Variants in SYNE2 observed in about 807,000 individuals in gnomAD.
The protein encoded by SYNE2 is spectrin repeat containing nuclear envelope protein 2, also known as nesprin-2.
In SYNE2, 431 loss-of-function variants were observed where a neutral mutation model predicts 856.3. The ratio of observed to expected loss-of-function variants is 0.50; its 90% CI spans 0.47 to 0.55. The LOEUF (loss-of-function observed/expected upper bound fraction) is 0.55. Among genes scored for constraint, SYNE2 ranks in the 20% least tolerant of loss-of-function variants. The pLI is 0.00. For missense variants in SYNE2, 8,129 were observed against 8,023.2 expected (o/e 1.01, Z -0.50); for synonymous variants, 2,923 against 2,872.3 (o/e 1.02, Z -0.56).
In SYNE2 at chr14:63,948,782, G is replaced by GTGTGTGTCTA. The variant is rs1454688156; in HGVS notation, c.409-1042_409-1041insGTGTGTCTAT. ...TATGTATATATATGTATGTGTGTGT[G>GTGTGTGTCTA]TATATATATATATATATATATATAT... is the stretch of plus-strand genomic sequence containing the variant. On this transcript the variant is annotated intron_variant, in intron 6 of 115. Transcript: ENST00000555002. 2.2e-3 allele frequency among the ~76,000 whole-genome samples: 98 copies of GTGTGTGTCTA among 43,896 alleles called. 3 individuals carry two copies. The highest frequency in any genetic ancestry group is 7.6e-3 in the African/African-American group (94 of 12,424). The allele number at this position is 43,896 out of a possible 152,430, so 28.8% of individuals were successfully genotyped here. A position where few individuals can be genotyped will look rare whatever the true frequency, so the allele number is the denominator to read the frequency against.
intron 85 of SYNE2, among the ~76,000 whole-genome samples, chr14:64,156,317 T>C (rs2153709141): frequency 6.6e-6 from 1 of 152,342 alleles, no homozygotes; most frequent in East Asian, 1.9e-4. Context: ...TGTTGACATG[T>C]ATATATGGGC....
rs781158921 is a variant in SYNE2, at chr14:63,988,358, G to A, written c.2313+1741G>A. On this transcript the variant is annotated intron_variant, in intron 19 of 115. Transcript: ENST00000555002. ...CCCTCAAAGTGCTGGGATTGTAGGC[G>A]TGAGCCACCGTGCCCAGCTATAAAT... Among the ~76,000 whole-genome samples the A allele has an allele frequency of 5.9e-5, 9 of 152,348 alleles. 1 individual carries two copies. Among genetic ancestry groups the A allele is most frequent in the South Asian group, 4.1e-4 (2 of 4,828 alleles).
chr14:63,921,682 T>C (rs1162916013), intron 2 of SYNE2, among the ~76,000 whole-genome samples: 1 of 152,132 alleles, frequency 6.6e-6, no homozygotes, highest in African/African-American at 2.4e-5. Flanking sequence ...AGGTAGTGTT[T>C]GGGGCAGCCC....
At position 63,961,101 on chromosome 14, in the gene SYNE2, C is replaced by T. The variant is rs117291646; in HGVS notation, c.788-424C>T. Among the ~76,000 whole-genome samples, 161 of 152,302 alleles carry T rather than the reference C, an allele frequency of 1.1e-3. 2 individuals carry two copies. The East Asian group carries it at 0.015, about 14-fold the overall frequency. ...ATATGCTTTTGGAGATGCTTTACTG[C>T]ACACATGCCAAGACCAACATGTCAG... is the stretch of plus-strand genomic sequence containing the variant. On this transcript the variant is annotated intron_variant, in intron 8 of 115. Coordinates refer to ENST00000555002, the MANE Select transcript of SYNE2 (RefSeq NM_182914.3).
At chr14:63,922,541 G>A (rs2095613048) in intron 2 of SYNE2, among the ~76,000 whole-genome samples, 2 of 152,268 alleles carry the variant, frequency 1.3e-5, no homozygotes, top group South Asian at 2.1e-4. Context: ...AGTGGCTCAC[G>A]TGTATAATCC....
At chr14:64,129,386 C>T (rs2097987832) in intron 74 of SYNE2, among the ~76,000 whole-genome samples, 1 of 152,088 alleles carries the variant, frequency 6.6e-6, no homozygotes, top group African/African-American at 2.4e-5. Context: ...TGTATATAGC[C>T]CAAAAGTCCA....
chr14:63,876,231 AGCG>A, intron 1 of SYNE2, among the ~76,000 whole-genome samples: 1 of 143,560 alleles, frequency 7.0e-6, no homozygotes. Context: ...TGGGCAACAC[AGCG>A]AGACTCTATC....
At chr14:63,764,298 G>A (rs1886593062) in intron 1 of SYNE2, among the ~76,000 whole-genome samples, 1 of 152,190 alleles carries the variant, frequency 6.6e-6, no homozygotes, top group Non-Finnish European at 1.5e-5. Flanking sequence ...AAACATAGAA[G>A]CCACTGTTTG....
At chr14:63,829,907 CT>C (rs1323232129) in intron 1 of SYNE2, among the ~76,000 whole-genome samples, 20 of 152,258 alleles carry the variant, frequency 1.3e-4, no homozygotes, top group African/African-American at 4.8e-4. Context: ...GCATGAGGCA[CT>C]GTGCCCAGAC....
intron 1 of SYNE2, among the ~76,000 whole-genome samples, chr14:63,801,629 G>A (rs2139797202): frequency 6.6e-6 from 1 of 152,140 alleles, no homozygotes; most frequent in East Asian, 1.9e-4. Flanking sequence ...TGGTGAGATT[G>A]CGCCATTGCA....
chr14:63,981,003 A>G lies in SYNE2; in HGVS notation c.1666A>G (p.Ile556Val), dbSNP rs2096581497. 2 of 1,560,872 alleles carry G rather than the reference A, an allele frequency of 1.3e-6. No homozygotes were observed. The highest frequency in any genetic ancestry group is 1.8e-6 in the Non-Finnish European group (2 of 1,136,642). Residue 556 changes from isoleucine to valine, a missense_variant, in exon 16 of 116, where the codon ATT becomes GTT. Around this residue, in one of 3 missense-constraint regions of SYNE2, gnomAD observed 2,422 missense variants for 2,357.4 expected, o/e 1.03. Coordinates refer to ENST00000555002, the MANE Select transcript of SYNE2 (RefSeq NM_182914.3). ...YKNLAGECQN[I>V]NKQYMMVKSD... is the part of the protein sequence containing the mutation. ...TATTGTAGCTGGAGAATGTCAGAATATTAATAAACAGTATATGATGGTGAA... is the reference window on the plus strand; with the variant it reads ...TATTGTAGCTGGAGAATGTCAGAATGTTAATAAACAGTATATGATGGTGAA...
intron 1 of SYNE2, among the ~76,000 whole-genome samples, chr14:63,829,821 G>A (rs12891915): frequency 0.054 from 8,130 of 151,890 alleles, 292 homozygotes; most frequent in Admixed American, 0.098. Context: ...GTCTCACTTT[G>A]TTCCCCAGGC....
At chr14:64,029,399 A>G (rs1323888698) in intron 43 of SYNE2, among the ~76,000 whole-genome samples, 4 of 152,264 alleles carry the variant, frequency 2.6e-5, no homozygotes. Flanking sequence ...GAGAAACTAA[A>G]GGTGGTTTTA....
chr14:64,220,226 C>T (rs1476934065), intron 110 of SYNE2, among the ~76,000 whole-genome samples: 2 of 152,172 alleles, frequency 1.3e-5, no homozygotes, highest in Non-Finnish European at 2.9e-5. Context: ...TCCAGCAGGC[C>T]TCTACTTTGG....
intron 65 of SYNE2, among the ~76,000 whole-genome samples, chr14:64,110,984 A>C (rs1015796226): frequency 6.6e-5 from 10 of 152,100 alleles, no homozygotes; most frequent in Non-Finnish European, 1.3e-4. Context: ...AGCAAAAAAA[A>C]CCCAGATTAG....
intron 100 of SYNE2, among the ~76,000 whole-genome samples, chr14:64,205,203 A>C (rs913142417): frequency 6.6e-6 from 1 of 151,950 alleles, no homozygotes; most frequent in Admixed American, 6.6e-5. Context: ...TAGGATCTGG[A>C]TGTCTTTGTT....
chr14:63,920,276 G>A (rs532861290), intron 2 of SYNE2, among the ~76,000 whole-genome samples: 1 of 151,628 alleles, frequency 6.6e-6, no homozygotes, highest in Admixed American at 6.6e-5. Context: ...AGTATGGAGT[G>A]GGAGTACCTA....
intron 8 of SYNE2, among the ~76,000 whole-genome samples, chr14:63,957,348 A>G (rs964101415): frequency 6.9e-6 from 1 of 144,218 alleles, no homozygotes; most frequent in Non-Finnish European, 1.5e-5. Context: ...GGCTCACCGC[A>G]GCTTCCATCT....
At chr14:64,001,897 G>A (rs1259043207) in intron 28 of SYNE2, 37 bp from the exon 29 acceptor site, 3 of 1,612,780 alleles carry the variant, frequency 1.9e-6, no homozygotes, top group African/African-American at 1.3e-5. Flanking sequence ...TCTTTCTGCT[G>A]TGTTTTCCCC....
Sources: gnomAD v4.1 joint callset for allele counts (sites outside exome capture counted in the v4.1 genomes callset) on GRCh38, gnomAD v4.1.1 for gene constraint, gnomAD v4.1.1 regional missense constraint, MANE v1.5 for transcripts, NCBI Gene and HGNC (gene_info 2026-07-23, HGNC 2026-07-21) for gene names.